DLGAP2: variants seen among roughly 807,000 people sequenced by gnomAD.
DLGAP2 encodes the protein disks large-associated protein 2.
In DLGAP2, 26 loss-of-function variants were observed where a neutral mutation model predicts 100.3. The observed-to-expected ratio is 0.26, with a 90% CI of 0.19 to 0.36. The LOEUF (loss-of-function observed/expected upper bound fraction) is 0.36, where lower values mean the gene tolerates loss of function less well. Among genes scored for constraint, DLGAP2 ranks in the 10% least tolerant of loss-of-function variants. DLGAP2 has a pLI of 1.00. For synonymous variants in DLGAP2, 886 were observed against 630.1 expected (o/e 1.41, Z -6.08); for missense variants, 1,858 against 1,453.2 (o/e 1.28, Z -4.53).
At chr8:1,675,483 C>T (rs1798790814) in intron 10 of DLGAP2, among the ~76,000 whole-genome samples, 1 of 152,238 alleles carries the variant, frequency 6.6e-6, no homozygotes, top group Non-Finnish European at 1.5e-5. Flanking sequence ...ACCATCAGTA[C>T]CTCTCTTAGC....
chr8:1,634,076 A>G (rs912980471), intron 8 of DLGAP2, among the ~76,000 whole-genome samples: 8 of 152,214 alleles, frequency 5.3e-5, no homozygotes, highest in Admixed American at 1.3e-4. Flanking sequence ...AGTATTTCAT[A>G]GTAGAGTCTG....
chr8:861,649 C>T (rs1485919079), intron 1 of DLGAP2, among the ~76,000 whole-genome samples: 4 of 152,202 alleles, frequency 2.6e-5, no homozygotes, highest in Non-Finnish European at 4.4e-5. Flanking sequence ...TTCCAAACAA[C>T]CCAGGAATAA....
At chr8:1,306,616 G>A (rs1490000552) in intron 3 of DLGAP2, among the ~76,000 whole-genome samples, 2 of 152,128 alleles carry the variant, frequency 1.3e-5, no homozygotes, top group Non-Finnish European at 2.9e-5. Context: ...CTAAGTTGGA[G>A]TCTCACACTT....
intron 1 of DLGAP2, among the ~76,000 whole-genome samples, chr8:814,757 G>A (rs1019172093): frequency 6.0e-5 from 9 of 150,882 alleles, no homozygotes; most frequent in African/African-American, 2.0e-4. Context: ...GGAGGCTGAG[G>A]CGGGAGGATG....
At chr8:971,388 C>T (rs1472316081) in intron 2 of DLGAP2, among the ~76,000 whole-genome samples, 2 of 152,164 alleles carry the variant, frequency 1.3e-5, no homozygotes, top group Admixed American at 6.5e-5. Context: ...TTCTTAGATC[C>T]CTGGGTAAAT....
intron 3 of DLGAP2, among the ~76,000 whole-genome samples, chr8:1,351,998 G>T (rs1188394613): frequency 1.4e-5 from 1 of 72,160 alleles, no homozygotes. Flanking sequence ...CTGACTGTGT[G>T]TGGAAAGGCC....
intron 1 of DLGAP2, among the ~76,000 whole-genome samples, chr8:865,156 G>GCC (rs1797470611): frequency 6.6e-6 from 1 of 152,154 alleles, no homozygotes; most frequent in South Asian, 2.1e-4. Context: ...GGCTCACCTG[G>GCC]CCCACCAGGA....
intron 3 of DLGAP2, among the ~76,000 whole-genome samples, chr8:1,439,058 G>A (rs1208401490): frequency 1.3e-5 from 2 of 152,192 alleles, no homozygotes; most frequent in Admixed American, 6.5e-5. Flanking sequence ...AGAGTCAGAC[G>A]AGTGTAAATG....
chr8:1,214,631 C>T (rs941725481), intron 2 of DLGAP2, among the ~76,000 whole-genome samples: 1 of 152,172 alleles, frequency 6.6e-6, no homozygotes, highest in Non-Finnish European at 1.5e-5. Flanking sequence ...CTGCTTCTTC[C>T]CTATTGTCTG....
intron 3 of DLGAP2, among the ~76,000 whole-genome samples, chr8:1,480,302 C>A (rs1326744862): frequency 1.3e-5 from 2 of 152,104 alleles, no homozygotes; most frequent in East Asian, 3.9e-4. Flanking sequence ...GGATTTGTCT[C>A]CAGATTGTCT....
intron 6 of DLGAP2, among the ~76,000 whole-genome samples, chr8:1,581,484 C>T (rs73174720): frequency 0.43 from 62,161 of 143,716 alleles, 12,850 homozygotes; most frequent in East Asian, 0.5. Context: ...ATATATACAC[C>T]ACAGTCAAAC....
intron 3 of DLGAP2, among the ~76,000 whole-genome samples, chr8:1,291,791 T>A (rs189132389): frequency 0.024 from 3,619 of 152,218 alleles, 43 homozygotes; most frequent in South Asian, 0.036. Flanking sequence ...GTTTTCATCA[T>A]ACGAGCAAAT....
At chr8:1,237,545 T>C (rs1798689930) in intron 2 of DLGAP2, among the ~76,000 whole-genome samples, 1 of 139,318 alleles carries the variant, frequency 7.2e-6, no homozygotes. Context: ...TCTAGTTCTC[T>C]CACATGGCGC....
At chr8:770,165 T>C (rs746452862) in intron 1 of DLGAP2, among the ~76,000 whole-genome samples, 1 of 152,184 alleles carries the variant, frequency 6.6e-6, no homozygotes, top group African/African-American at 2.4e-5. Context: ...TCAGATTCAT[T>C]TGCACAGCAC....
chr8:1,298,770 G>T (rs1800255782), intron 3 of DLGAP2, among the ~76,000 whole-genome samples: 1 of 152,334 alleles, frequency 6.6e-6, no homozygotes, highest in South Asian at 2.1e-4. Flanking sequence ...TTAAACTAAA[G>T]ACTTCTATTT....
At chr8:851,479 A>T (rs561569971) in intron 1 of DLGAP2, among the ~76,000 whole-genome samples, 2 of 152,204 alleles carry the variant, frequency 1.3e-5, no homozygotes, top group African/African-American at 2.4e-5. Context: ...TAATGTGTTA[A>T]TAGGAAGCAC....
chr8:1,439,596 CT>C (rs1256541790), intron 3 of DLGAP2, among the ~76,000 whole-genome samples: 2 of 152,148 alleles, frequency 1.3e-5, no homozygotes, highest in Admixed American at 6.5e-5. Flanking sequence ...ACTTTCCTTC[CT>C]TTTTTTCTAG....
intron 6 of DLGAP2, chr8:1,621,876 G>A (rs897101434): frequency 6.6e-6 from 1 of 152,186 alleles, no homozygotes; most frequent in South Asian, 2.1e-4. Flanking sequence ...CCAGATGTGG[G>A]TGCCAACAGT....
intron 3 of DLGAP2, among the ~76,000 whole-genome samples, chr8:1,333,015 C>A (rs752979912): frequency 3.9e-5 from 6 of 152,226 alleles, no homozygotes; most frequent in Non-Finnish European, 8.8e-5. Context: ...TGTGGAGCAT[C>A]AGGGCAGGGG....
Sources: gnomAD v4.1 joint callset for allele counts (sites outside exome capture counted in the v4.1 genomes callset) on GRCh38, gnomAD v4.1.1 for gene constraint, MANE v1.5 for transcripts, NCBI Gene and HGNC (gene_info 2026-07-23, HGNC 2026-07-21) for gene names.